The following CTBP2 variants were observed in gnomAD, a reference collection of about 807,000 sequenced individuals.
CTBP2 encodes the protein C-terminal binding protein 2.
A neutral mutation model predicts 80.3 loss-of-function variants in CTBP2; 30 were observed. That is an observed-to-expected ratio of 0.37 (90% CI 0.28 to 0.51). The LOEUF is 0.51. Among genes scored for constraint, CTBP2 ranks in the 20% least tolerant of loss-of-function variants. The pLI is 0.93. For synonymous variants in CTBP2, 594 were observed against 587.4 expected, an observed-to-expected ratio of 1.01 and a Z score of -0.16; for missense variants, 1,212 against 1,375.3, an observed-to-expected ratio of 0.88 and a Z score of 1.88.
chr10:125,054,197 G>A (rs1340292224), intron 2 of CTBP2, among the ~76,000 whole-genome samples: 6 of 152,134 alleles, frequency 3.9e-5, no homozygotes, highest in Middle Eastern at 3.2e-3. Context: ...CATGGCCCCC[G>A]GGGACCCCCA....
intron 1 of CTBP2, among the ~76,000 whole-genome samples, chr10:125,144,124 T>G (rs936451611): frequency 1.3e-5 from 2 of 152,192 alleles, no homozygotes; most frequent in Non-Finnish European, 2.9e-5. Flanking sequence ...TCCTTCTTCA[T>G]CTAAGGACAC....
chr10:125,050,415 T>C (rs966240403), intron 2 of CTBP2, among the ~76,000 whole-genome samples: 1 of 152,246 alleles, frequency 6.6e-6, no homozygotes, highest in Non-Finnish European at 1.5e-5. Flanking sequence ...AGCTTGCAGC[T>C]ATTCATTTTG....
chr10:125,076,769 T>A (rs2135513561), intron 2 of CTBP2, among the ~76,000 whole-genome samples: 1 of 152,308 alleles, frequency 6.6e-6, no homozygotes, highest in African/African-American at 2.4e-5. Context: ...CAATTTTATA[T>A]CCACTCTGGC....
At chr10:125,042,060 T>A (rs922863370) in intron 2 of CTBP2, among the ~76,000 whole-genome samples, 3 of 151,962 alleles carry the variant, frequency 2.0e-5, no homozygotes, top group African/African-American at 7.3e-5. Context: ...CCGACCCATG[T>A]TTAGGGCTGG....
Position 125,006,021 on chromosome 10 carries a change from C to T in CTBP2, c.1679-2529G>A, listed in dbSNP as rs1341364313. 3 of 1,418,450 alleles carry T rather than the reference C, an allele frequency of 2.1e-6. No homozygotes were observed. The African/African-American group carries it at 4.3e-5, about 20-fold the overall frequency. The allele number at this position is 1,418,450 out of a possible 1,614,324, so 87.9% of individuals were successfully genotyped here. On this transcript the variant is annotated intron_variant, in intron 1 of 8. Transcript: ENST00000309035. Reference sequence around the variant, plus strand: ...CTGAGAGGCCATTGTCACAAGATGTCCATCCGCAGCATCATCAGTGCATGG... The same window carrying T: ...CTGAGAGGCCATTGTCACAAGATGTTCATCCGCAGCATCATCAGTGCATGG...
intron 2 of CTBP2, among the ~76,000 whole-genome samples, chr10:125,065,953 T>G (rs1259068579): frequency 1.3e-5 from 2 of 151,756 alleles, no homozygotes; most frequent in African/African-American, 2.4e-5. Context: ...ATACAAAAAT[T>G]AGCCTGGCTT....
chr10:125,129,355 G>T (rs1443410875), intron 1 of CTBP2, among the ~76,000 whole-genome samples: 1 of 152,002 alleles, frequency 6.6e-6, no homozygotes, highest in Non-Finnish European at 1.5e-5. Context: ...GCACACTTAA[G>T]GTCATGCATT....
At chr10:125,125,247 A>C (rs889830937) in intron 1 of CTBP2, among the ~76,000 whole-genome samples, 2 of 152,222 alleles carry the variant, frequency 1.3e-5, no homozygotes, top group African/African-American at 4.8e-5. Context: ...ACTCATTCTC[A>C]TAAGTCAATG....
chr10:125,132,643 G>A (rs898822296), intron 1 of CTBP2, among the ~76,000 whole-genome samples: 4 of 152,094 alleles, frequency 2.6e-5, no homozygotes, highest in Non-Finnish European at 5.9e-5. Context: ...TCGCACATCC[G>A]TACAGACTGC....
chr10:125,107,631 A>C (rs1341352281), intron 2 of CTBP2, among the ~76,000 whole-genome samples: 1 of 152,244 alleles, frequency 6.6e-6, no homozygotes, highest in Non-Finnish European at 1.5e-5. Context: ...CTACAGCCAC[A>C]ACTCAGATGG....
intron 2 of CTBP2, among the ~76,000 whole-genome samples, chr10:125,075,156 G>A (rs1188491284): frequency 6.6e-6 from 1 of 152,178 alleles, no homozygotes; most frequent in African/African-American, 2.4e-5. Flanking sequence ...AAAGATTATA[G>A]AGTGACAATA....
intron 1 of CTBP2, among the ~76,000 whole-genome samples, chr10:125,014,138 C>G (rs1956228603): frequency 6.6e-6 from 1 of 152,324 alleles, no homozygotes; most frequent in South Asian, 2.1e-4. Flanking sequence ...GACCGAGACG[C>G]CACAGGATAG....
chr10:125,159,942 G>A (rs2133554486), intron 1 of CTBP2: 1 of 153,322 alleles, frequency 6.5e-6, no homozygotes, highest in Non-Finnish European at 1.4e-5. Flanking sequence ...TCCGGACGCC[G>A]CCGCGCTCGG....
intron 1 of CTBP2, among the ~76,000 whole-genome samples, chr10:125,153,255 T>C (rs932361267): frequency 6.6e-6 from 1 of 152,222 alleles, no homozygotes; most frequent in Non-Finnish European, 1.5e-5. Flanking sequence ...TCTCGGGCCC[T>C]GCCCGCTGCT....
At chr10:125,023,583 G>A (rs983776801) in intron 1 of CTBP2, among the ~76,000 whole-genome samples, 1 of 152,106 alleles carries the variant, frequency 6.6e-6, no homozygotes, top group Non-Finnish European at 1.5e-5. Context: ...CCACTCACGC[G>A]GGCCTGGAGC....
At chr10:125,018,613 A>G (rs72830835) in intron 1 of CTBP2, among the ~76,000 whole-genome samples, 13,338 of 152,224 alleles carry the variant, frequency 0.088, 738 homozygotes, top group Admixed American at 0.17. Flanking sequence ...AATTACTAAT[A>G]TTTACTGAAC....
intron 2 of CTBP2, among the ~76,000 whole-genome samples, chr10:125,106,942 G>A (rs1261286544): frequency 1.3e-5 from 2 of 152,244 alleles, no homozygotes; most frequent in Non-Finnish European, 2.9e-5. Flanking sequence ...GCAAAAAGAA[G>A]GGGAATGGAC....
At chr10:125,153,268 C>T (rs1415688396) in intron 1 of CTBP2, among the ~76,000 whole-genome samples, 18 of 152,230 alleles carry the variant, frequency 1.2e-4, no homozygotes, top group Admixed American at 1.1e-3. Context: ...CCGCTGCTGG[C>T]GCTGGCTGTA....
chr10:125,130,892 C>T (rs911379223), intron 1 of CTBP2, among the ~76,000 whole-genome samples: 11 of 152,314 alleles, frequency 7.2e-5, no homozygotes, highest in African/African-American at 1.9e-4. Flanking sequence ...GCAAAGGGCT[C>T]GCTGTCCAAG....
Sources: allele counts gnomAD v4.1 joint callset (sites outside exome capture counted in the v4.1 genomes callset), GRCh38; gene constraint gnomAD v4.1.1; transcripts MANE v1.5; gene names NCBI Gene and HGNC (gene_info 2026-07-23, HGNC 2026-07-21).